Variants in TRMT9B observed in about 807,000 individuals in gnomAD.
TRMT9B encodes probable tRNA methyltransferase 9B.
A neutral mutation model predicts 11.5 loss-of-function variants in TRMT9B; 16 were observed. The ratio of observed to expected loss-of-function variants is 1.39; its 90% CI spans 0.94 to 2.11. The LOEUF (loss-of-function observed/expected upper bound fraction) is 2.11. TRMT9B is among the 30% of genes most tolerant of loss of function. TRMT9B has a pLI of 0.00. For synonymous variants in TRMT9B, 274 were observed against 192.4 expected (o/e 1.42, Z -3.51); for missense variants, 941 against 553.8 (o/e 1.70, Z -7.02).
intron 3 of TRMT9B, chr8:13,010,639 C>G (rs1437148242): frequency 1.0e-5 from 10 of 984,882 alleles, no homozygotes; most frequent in Non-Finnish European, 1.2e-5. Flanking sequence ...TTACAAAATG[C>G]TCTCTGAACA....
At chr8:12,994,384 G>A (rs1254445940) in intron 2 of TRMT9B, among the ~76,000 whole-genome samples, 2 of 152,194 alleles carry the variant, frequency 1.3e-5, no homozygotes, top group Non-Finnish European at 2.9e-5. Flanking sequence ...ATATTGACTA[G>A]AAGGTATTGA....
intron 1 of TRMT9B, among the ~76,000 whole-genome samples, chr8:12,990,410 A>C (rs954171473): frequency 6.6e-6 from 1 of 152,212 alleles, no homozygotes; most frequent in Non-Finnish European, 1.5e-5. Flanking sequence ...ATGAATAACT[A>C]CGAGTACTTA....
intron 3 of TRMT9B, 103 bp downstream of exon 3, chr8:13,006,459 C>T: frequency 6.4e-7 from 1 of 1,566,796 alleles, no homozygotes; most frequent in Non-Finnish European, 8.6e-7. Flanking sequence ...CAGGCAGCCT[C>T]ATTGCTGTCA....
At chr8:12,989,054 G>A (rs1237272787) in intron 1 of TRMT9B, among the ~76,000 whole-genome samples, 1 of 152,022 alleles carries the variant, frequency 6.6e-6, no homozygotes, top group Non-Finnish European at 1.5e-5. Context: ...AAAGATGAAT[G>A]TGTATTTTTA....
At chr8:12,949,611 G>A (rs538797875) in intron 1 of TRMT9B, among the ~76,000 whole-genome samples, 2 of 152,208 alleles carry the variant, frequency 1.3e-5, no homozygotes, top group Admixed American at 6.5e-5. Context: ...GAAAGAAGTT[G>A]GTAACTCATG....
At chr8:12,986,438 A>G (rs1477251140) in intron 1 of TRMT9B, among the ~76,000 whole-genome samples, 2 of 152,230 alleles carry the variant, frequency 1.3e-5, no homozygotes, top group Non-Finnish European at 2.9e-5. Flanking sequence ...GCTGCCGTCA[A>G]TTATGGAACA....
intron 1 of TRMT9B, among the ~76,000 whole-genome samples, chr8:12,989,521 A>G (rs905303130): frequency 6.6e-6 from 1 of 152,146 alleles, no homozygotes; most frequent in Admixed American, 6.6e-5. Flanking sequence ...TACACTAGCT[A>G]CAATTCCTCT....
At chr8:12,970,741 G>T (rs540723357) in intron 1 of TRMT9B, among the ~76,000 whole-genome samples, 1 of 152,266 alleles carries the variant, frequency 6.6e-6, no homozygotes. Flanking sequence ...ATTAGGAATT[G>T]GCACCAAGGC....
chr8:12,966,526 G>A (rs956111317), intron 1 of TRMT9B, among the ~76,000 whole-genome samples: 3 of 152,162 alleles, frequency 2.0e-5, no homozygotes, highest in African/African-American at 7.2e-5. Context: ...AGACTATTTA[G>A]ATAGACATAA....
intron 1 of TRMT9B, among the ~76,000 whole-genome samples, chr8:12,982,345 C>A (rs532431696): frequency 6.6e-6 from 1 of 152,306 alleles, no homozygotes; most frequent in Admixed American, 6.5e-5. Flanking sequence ...TTTGCATACA[C>A]ATGGACTCTG....
Position 13,025,114 on chromosome 8 carries a change from G to T in TRMT9B, c.*3070G>T, listed in dbSNP as rs868299986. ...ATCACTTACTTCCTTATTAATACTA[G>T]ATCACACAGTGTCTTTCTTATTCCT... On this transcript the variant is annotated 3_prime_UTR_variant, in exon 5 of 5. Coordinates refer to ENST00000524591, the MANE Select transcript of TRMT9B (RefSeq NM_020844.3). 2 of 166,922 alleles carry T rather than the reference G, an allele frequency of 1.2e-5. No individual in the cohort carries two copies. The highest frequency in any genetic ancestry group is 6.6e-5 in the Admixed American group (1 of 15,254). 10.3% of individuals were successfully genotyped at this position (166,922 alleles called of 1,614,324 possible).
rs1287167859 is a variant in TRMT9B, at chr8:13,012,858, G to T, written c.328+1G>T. ...TTCGATGCCATCATCTCCATAGGAG[G>T]TAAGGCAGCCAGATCACACATTCAC... is the stretch of plus-strand genomic sequence containing the variant. On this transcript the variant is annotated splice_donor_variant, in intron 4 of 4. Coordinates refer to ENST00000524591, the MANE Select transcript of TRMT9B (RefSeq NM_020844.3). LOFTEE classifies it high-confidence loss of function. 6 of 1,613,190 alleles carry T rather than the reference G, an allele frequency of 3.7e-6. No homozygotes were observed. Among genetic ancestry groups the T allele is most frequent in the Non-Finnish European group, 5.1e-6 (6 of 1,179,634 alleles).
In TRMT9B at chr8:12,959,516, C is replaced by CTTTTTTTTTTTTTTT. The variant is rs61536433; in HGVS notation, c.-200+13559_-200+13573dup. Among the ~76,000 whole-genome samples the CTTTTTTTTTTTTTTT allele has an allele frequency of 3.5e-3, 265 of 74,930 alleles. 31 individuals carry two copies. Among genetic ancestry groups the CTTTTTTTTTTTTTTT allele is most frequent in the East Asian group, 5.1e-3 (10 of 1,954 alleles). The allele number at this position is 74,930 out of a possible 152,430, so 49.2% of individuals were successfully genotyped here. ...TCTCCTCTCCTTTCCTTTTTCCTTC[C>CTTTTTTTTTTTTTTT]TTTTTTTTTTTTTTTTTTTTTTTGA... On this transcript the variant is annotated intron_variant, in intron 1 of 4. Coordinates refer to ENST00000524591, the MANE Select transcript of TRMT9B (RefSeq NM_020844.3).
intron 1 of TRMT9B, among the ~76,000 whole-genome samples, chr8:12,946,564 C>T (rs1003361521): frequency 3.9e-5 from 6 of 151,990 alleles, no homozygotes; most frequent in Admixed American, 3.9e-4. Flanking sequence ...TTGATGTCAC[C>T]CTGGTGGAGA....
At chr8:12,985,871 A>AT (rs1461724187) in intron 1 of TRMT9B, among the ~76,000 whole-genome samples, 1 of 151,590 alleles carries the variant, frequency 6.6e-6, no homozygotes, top group East Asian at 1.9e-4. Context: ...TTTTAATTTA[A>AT]TTTTTTTGAG....
chr8:12,986,780 A>C (rs1022834039), intron 1 of TRMT9B, among the ~76,000 whole-genome samples: 3 of 152,180 alleles, frequency 2.0e-5, no homozygotes, highest in Non-Finnish European at 4.4e-5. Context: ...TGCATGAGTC[A>C]CCAGGTCCTA....
At chr8:13,011,224 G>C (rs987163164) in intron 3 of TRMT9B, 1 of 793,796 alleles carries the variant, frequency 1.3e-6, no homozygotes, top group Non-Finnish European at 1.5e-6. Context: ...GCCCTCAAGT[G>C]ATCCGCCCAC....
chr8:12,998,668 C>T (rs1349506899), intron 2 of TRMT9B, among the ~76,000 whole-genome samples: 2 of 152,222 alleles, frequency 1.3e-5, no homozygotes, highest in African/African-American at 4.8e-5. Flanking sequence ...AGGAGCCACT[C>T]TTGGGGACAA....
At chr8:12,954,293 T>C (rs765587516) in intron 1 of TRMT9B, among the ~76,000 whole-genome samples, 6 of 152,232 alleles carry the variant, frequency 3.9e-5, no homozygotes, top group Non-Finnish European at 8.8e-5. Flanking sequence ...CTTAAATGCA[T>C]TTCACTTGTA....
Sources: allele counts gnomAD v4.1 joint callset (sites outside exome capture counted in the v4.1 genomes callset), GRCh38; gene constraint gnomAD v4.1.1; transcripts MANE v1.5; gene names NCBI Gene and HGNC (gene_info 2026-07-23, HGNC 2026-07-21).